The following PTPRD variants were observed in gnomAD, a reference collection of about 807,000 sequenced individuals.
PTPRD encodes receptor-type tyrosine-protein phosphatase delta.
Under a neutral mutation model 214.5 loss-of-function variants are expected in PTPRD, and 34 were observed. That is an observed-to-expected ratio of 0.16 (90% CI 0.12 to 0.21). The LOEUF is 0.21. PTPRD is among the 10% of genes least tolerant of loss of function. The pLI, the probability that PTPRD is intolerant of heterozygous loss-of-function variation, is 1.00. For missense variants in PTPRD, 2,545 were observed against 2,398.7 expected (o/e 1.06, Z -1.27); for synonymous variants, 1,128 against 845.7 (o/e 1.33, Z -5.79).
At chr9:8,541,289 G>C (rs2078341872) in intron 14 of PTPRD, among the ~76,000 whole-genome samples, 1 of 152,128 alleles carries the variant, frequency 6.6e-6, no homozygotes, top group African/African-American at 2.4e-5. Flanking sequence ...GACTGCAATG[G>C]TGCAATCATA....
At chr9:8,739,856 G>T (rs112628869) in intron 11 of PTPRD, among the ~76,000 whole-genome samples, 9,141 of 152,158 alleles carry the variant, frequency 0.06, 724 homozygotes, top group African/African-American at 0.18. Flanking sequence ...CATGAGATCT[G>T]ATGATTACGT....
At chr9:9,543,059 T>G (rs1421908269) in intron 8 of PTPRD, among the ~76,000 whole-genome samples, 1 of 151,656 alleles carries the variant, frequency 6.6e-6, no homozygotes, top group Non-Finnish European at 1.5e-5. Context: ...ACAATGCAAG[T>G]GCTCATATAC....
intron 23 of PTPRD, among the ~76,000 whole-genome samples, chr9:8,503,294 G>A (rs1339933761): frequency 6.6e-6 from 1 of 151,958 alleles, no homozygotes; most frequent in African/African-American, 2.4e-5. Flanking sequence ...CTAAATATGA[G>A]GTTAACAGAG....
intron 5 of PTPRD, among the ~76,000 whole-genome samples, chr9:9,935,819 T>C (rs1004851528): frequency 2.7e-5 from 4 of 149,276 alleles, no homozygotes; most frequent in Admixed American, 2.0e-4. Flanking sequence ...ACTACCTGAC[T>C]TCAAACTATA....
At chr9:9,713,002 T>C (rs2097763365) in intron 7 of PTPRD, among the ~76,000 whole-genome samples, 1 of 152,216 alleles carries the variant, frequency 6.6e-6, no homozygotes, top group Non-Finnish European at 1.5e-5. Flanking sequence ...TTTAACTTTC[T>C]GTAATCCCTG....
intron 11 of PTPRD, among the ~76,000 whole-genome samples, chr9:8,921,494 A>AT (rs139667595): frequency 0.053 from 7,811 of 147,772 alleles, 406 homozygotes; most frequent in East Asian, 0.19. Context: ...AAGTTTTCGC[A>AT]TTTTTTTTTT....
At chr9:10,534,972 C>G (rs1017761306) in intron 2 of PTPRD, among the ~76,000 whole-genome samples, 1 of 152,144 alleles carries the variant, frequency 6.6e-6, no homozygotes, top group African/African-American at 2.4e-5. Flanking sequence ...TTTATGTAGG[C>G]AGTCAGCCTT....
intron 7 of PTPRD, among the ~76,000 whole-genome samples, chr9:9,716,208 A>G (rs2154428746): frequency 6.6e-6 from 1 of 152,292 alleles, no homozygotes; most frequent in South Asian, 2.1e-4. Context: ...GCTGCATAGT[A>G]TTCCATGGTG....
At chr9:10,024,562 C>T (rs182862320) in intron 4 of PTPRD, among the ~76,000 whole-genome samples, 10 of 152,216 alleles carry the variant, frequency 6.6e-5, no homozygotes, top group African/African-American at 1.9e-4. Context: ...CATTTCTGAA[C>T]TCCTTACACA....
At chr9:8,508,500 T>C (rs138196166) in intron 21 of PTPRD, among the ~76,000 whole-genome samples, 9 of 152,310 alleles carry the variant, frequency 5.9e-5, no homozygotes, top group African/African-American at 1.9e-4. Flanking sequence ...CTTGATATTA[T>C]GGCATGTCTC....
intron 4 of PTPRD, among the ~76,000 whole-genome samples, chr9:9,938,915 G>A (rs1256530697): frequency 6.6e-6 from 1 of 151,940 alleles, no homozygotes; most frequent in East Asian, 1.9e-4. Context: ...AATTTAAGAA[G>A]CCATTTTCCA....
chr9:9,671,442 G>C (rs113393760), intron 7 of PTPRD, among the ~76,000 whole-genome samples: 1 of 89,076 alleles, frequency 1.1e-5, no homozygotes, highest in East Asian at 3.0e-4. Flanking sequence ...ATGCTGAAAT[G>C]AGTTAAGTCT....
chr9:8,325,460 T>G (rs1832719441), intron 44 of PTPRD, among the ~76,000 whole-genome samples: 2 of 149,142 alleles, frequency 1.3e-5, no homozygotes, highest in Admixed American at 1.4e-4. Context: ...TATCTCTGTT[T>G]TGGTACCAGT....
At chr9:8,833,713 T>C (rs796829552) in intron 11 of PTPRD, among the ~76,000 whole-genome samples, 31,829 of 123,040 alleles carry the variant, frequency 0.26, 4,840 homozygotes, top group African/African-American at 0.49. Flanking sequence ...TATATATATA[T>C]ATACACACAC....
rs1201488819 is a variant in PTPRD at position 8,315,541 on chromosome 9, A to G, written c.*2333T>C. Reference sequence around the variant, plus strand: ...TACAAACTAAAAGAAAATAATGATAACAGACCCACATAGTGCACATTCTTC... The same window carrying G: ...TACAAACTAAAAGAAAATAATGATAGCAGACCCACATAGTGCACATTCTTC... On this transcript the variant is annotated 3_prime_UTR_variant, in exon 46 of 46. Coordinates refer to ENST00000381196, the MANE Select transcript of PTPRD (RefSeq NM_002839.4). 1 of 231,456 alleles carries G rather than the reference A, an allele frequency of 4.3e-6. No homozygotes were observed. Among genetic ancestry groups the G allele is most frequent in the Non-Finnish European group, 8.6e-6 (1 of 116,662 alleles). 14.3% of individuals were successfully genotyped at this position (231,456 alleles called of 1,614,324 possible).
At chr9:10,230,470 A>ATCTATCTG (rs1417401288) in intron 3 of PTPRD, among the ~76,000 whole-genome samples, 3 of 151,368 alleles carry the variant, frequency 2.0e-5, no homozygotes, top group Admixed American at 2.0e-4. Context: ...CTATCTATCT[A>ATCTATCTG]TCTATCTGTC....
intron 2 of PTPRD, among the ~76,000 whole-genome samples, chr9:10,464,309 G>A (rs1237761298): frequency 6.6e-6 from 1 of 152,170 alleles, no homozygotes; most frequent in African/African-American, 2.4e-5. Context: ...CGAACCCGGA[G>A]GCTAAATTTG....
Position 9,613,866 on chromosome 9 carries a change from CT to C in PTPRD, c.-286-39086del, listed in dbSNP as rs1475944818. Among the ~76,000 whole-genome samples, 5 of 152,232 alleles carry C rather than the reference CT, an allele frequency of 3.3e-5. No individual in the cohort carries two copies. The East Asian group carries it at 9.7e-4, about 29-fold the overall frequency. ...TCTAATAATAAAATATAAATCTCTA[CT>C]TTAACCTAGATTTAGAAACATGCCT... On this transcript the variant is annotated intron_variant, in intron 7 of 45. Transcript: ENST00000381196.
chr9:8,386,449 G>T (rs924213421), intron 37 of PTPRD, among the ~76,000 whole-genome samples: 1 of 152,172 alleles, frequency 6.6e-6, no homozygotes, highest in African/African-American at 2.4e-5. Context: ...TGTACCATAG[G>T]AATGAATATT....
Sources: gnomAD v4.1 joint callset for allele counts (sites outside exome capture counted in the v4.1 genomes callset) on GRCh38, gnomAD v4.1.1 for gene constraint, MANE v1.5 for transcripts, NCBI Gene and HGNC (gene_info 2026-07-23, HGNC 2026-07-21) for gene names.